Variants in CACNA2D1 observed in about 807,000 individuals in gnomAD.
CACNA2D1 encodes calcium voltage-gated channel auxiliary subunit alpha2delta 1.
CACNA2D1 carries 53 observed loss-of-function variants against 171.5 expected under a neutral mutation model. That is an observed-to-expected ratio of 0.31 (90% CI 0.25 to 0.39). The LOEUF (loss-of-function observed/expected upper bound fraction) is 0.39, where lower values mean the gene tolerates loss of function less well. Ranked by LOEUF, CACNA2D1 falls within the 10% of genes least tolerant of loss-of-function variation. The pLI is 1.00. For synonymous variants in CACNA2D1, 442 were observed against 443.1 expected (o/e 1.00, Z 0.03); for missense variants, 903 against 1,299.8 (o/e 0.69, Z 4.69).
At chr7:82,238,285 C>T (rs569456690) in intron 3 of CACNA2D1, among the ~76,000 whole-genome samples, 4 of 151,950 alleles carry the variant, frequency 2.6e-5, no homozygotes, top group Admixed American at 1.3e-4. Flanking sequence ...TTATTTTTGA[C>T]GCCTCAATTT....
rs186319813 is a variant in CACNA2D1, at chr7:82,433,057, G to A, written c.95+10308C>T. On this transcript the variant is annotated intron_variant, in intron 1 of 38. Coordinates refer to ENST00000356860, the MANE Select transcript of CACNA2D1 (RefSeq NM_000722.4). Reference sequence around the variant, plus strand: ...AAAAAAGTTAGCCGGGTGTGGTGGCGTGCGCCTGTAGTCCCAGCTACTCAG... The same window carrying A: ...AAAAAAGTTAGCCGGGTGTGGTGGCATGCGCCTGTAGTCCCAGCTACTCAG... 5.3e-4 allele frequency among the ~76,000 whole-genome samples: 81 copies of A among 152,016 alleles called. 1 individual carries two copies. In the East Asian group the frequency reaches 0.014, roughly 27 times the overall value.
intron 1 of CACNA2D1, among the ~76,000 whole-genome samples, chr7:82,426,912 C>T (rs536303312): frequency 6.6e-6 from 1 of 152,160 alleles, no homozygotes; most frequent in Non-Finnish European, 1.5e-5. Context: ...GGGAGAGAGA[C>T]CACCTCCACA....
intron 3 of CACNA2D1, among the ~76,000 whole-genome samples, chr7:82,310,339 TA>T (rs1457709145): frequency 1.4e-4 from 22 of 152,088 alleles, no homozygotes; most frequent in Non-Finnish European, 1.8e-4. Context: ...GATGTATGTG[TA>T]TTTGTTGAGA....
intron 3 of CACNA2D1, among the ~76,000 whole-genome samples, chr7:82,221,233 A>G (rs1390773403): frequency 6.6e-6 from 1 of 152,186 alleles, no homozygotes; most frequent in Admixed American, 6.5e-5. Context: ...CTGCCGATCC[A>G]CTGAAAGGGT....
intron 31 of CACNA2D1, among the ~76,000 whole-genome samples, chr7:81,965,952 G>T (rs1219439272): frequency 6.6e-6 from 1 of 151,398 alleles, no homozygotes; most frequent in African/African-American, 2.4e-5. Flanking sequence ...CCATTTCCGG[G>T]TCATCTAAAT....
intron 6 of CACNA2D1, among the ~76,000 whole-genome samples, chr7:82,097,411 T>C (rs1812021662): frequency 6.6e-6 from 1 of 152,152 alleles, no homozygotes; most frequent in Non-Finnish European, 1.5e-5. Flanking sequence ...AATACCATTC[T>C]GAACTAAAAC....
chr7:82,032,127 T>A (rs1169770090), intron 12 of CACNA2D1, among the ~76,000 whole-genome samples: 1 of 151,994 alleles, frequency 6.6e-6, no homozygotes, highest in Non-Finnish European at 1.5e-5. Flanking sequence ...CTGATATTCC[T>A]CCACAGTATC....
Position 82,170,531 on chromosome 7 carries a change from AGT to A in CACNA2D1, c.354+17_354+18del, listed in dbSNP as rs1319367309. The A allele has an allele frequency of 1.9e-6, 3 of 1,582,374 alleles. No individual in the cohort carries two copies. The African/African-American group carries it at 4.0e-5, about 21-fold the overall frequency. ...ATATGTCAAGCTATTTAAATCAAGT[AGT>A]TAAAAGGGGTTCTTACTGCAAAATC... On this transcript the variant is annotated intron_variant, in intron 4 of 38. Coordinates refer to ENST00000356860, the MANE Select transcript of CACNA2D1 (RefSeq NM_000722.4).
intron 10 of CACNA2D1, chr7:82,051,025 T>C (rs1805136202): frequency 5.3e-6 from 1 of 190,086 alleles, no homozygotes; most frequent in Non-Finnish European, 1.1e-5. Context: ...ACACTGTCCA[T>C]GCAGGGATAA....
intron 38 of CACNA2D1, among the ~76,000 whole-genome samples, chr7:81,952,630 TTGTTTG>T (rs887219860): frequency 7.2e-5 from 11 of 152,090 alleles, no homozygotes; most frequent in Non-Finnish European, 1.6e-4. Flanking sequence ...TTCTTGAAAC[TTGTTTG>T]TGTCTCTCTC....
At chr7:82,413,243 T>C (rs938931929) in intron 1 of CACNA2D1, among the ~76,000 whole-genome samples, 4 of 152,232 alleles carry the variant, frequency 2.6e-5, no homozygotes, top group African/African-American at 9.6e-5. Flanking sequence ...AAAAGAAACT[T>C]CATATTAATT....
At chr7:81,951,974 T>TTTTTTTTTTGTTTGTTTG (rs1421963080) in intron 38 of CACNA2D1, among the ~76,000 whole-genome samples, 20 of 147,718 alleles carry the variant, frequency 1.4e-4, no homozygotes, top group African/African-American at 3.5e-4. Flanking sequence ...AAAGTGTTTT[T>TTTTTTTTTTGTTTGTTTG]TTTTTTTTTT....
At chr7:81,968,628 A>AT (rs1231597087) in intron 29 of CACNA2D1, among the ~76,000 whole-genome samples, 1 of 151,338 alleles carries the variant, frequency 6.6e-6, no homozygotes, top group Non-Finnish European at 1.5e-5. Flanking sequence ...ATTATACTAA[A>AT]TTGATTCCAT....
At chr7:81,985,305 G>A (rs1192951025) in intron 21 of CACNA2D1, among the ~76,000 whole-genome samples, 4 of 144,128 alleles carry the variant, frequency 2.8e-5, no homozygotes, top group Non-Finnish European at 6.0e-5. Flanking sequence ...GGGCTCAATC[G>A]ATCCTCCCAC....
chr7:81,954,165 A>C (rs1792932220), intron 38 of CACNA2D1, among the ~76,000 whole-genome samples: 1 of 152,216 alleles, frequency 6.6e-6, no homozygotes, highest in Non-Finnish European at 1.5e-5. Flanking sequence ...TTTCTGTCCT[A>C]TAGAGACTGA....
intron 10 of CACNA2D1, among the ~76,000 whole-genome samples, chr7:82,056,812 A>G (rs1805961773): frequency 6.6e-6 from 1 of 152,198 alleles, no homozygotes; most frequent in African/African-American, 2.4e-5. Context: ...ATGAGGTGTC[A>G]TCAAGTATCA....
intron 6 of CACNA2D1, among the ~76,000 whole-genome samples, chr7:82,092,580 G>C (rs911747065): frequency 2.4e-5 from 3 of 123,056 alleles, no homozygotes; most frequent in African/African-American, 9.8e-5. Context: ...TTTTAGTAGA[G>C]ACAGGGTTTT....
chr7:82,428,036 A>G (rs563057841), intron 1 of CACNA2D1, among the ~76,000 whole-genome samples: 12 of 152,282 alleles, frequency 7.9e-5, no homozygotes, highest in African/African-American at 2.9e-4. Context: ...GTCTCTCCAA[A>G]ATATTTTTTT....
At chr7:82,081,571 GGTGA>G (rs940777781) in intron 7 of CACNA2D1, among the ~76,000 whole-genome samples, 10 of 152,258 alleles carry the variant, frequency 6.6e-5, no homozygotes, top group African/African-American at 1.9e-4. Flanking sequence ...CCTGTTATTT[GGTGA>G]GTCATTTTGC....
Sources: gnomAD v4.1 joint callset for allele counts (sites outside exome capture counted in the v4.1 genomes callset) on GRCh38, gnomAD v4.1.1 for gene constraint, MANE v1.5 for transcripts, NCBI Gene and HGNC (gene_info 2026-07-23, HGNC 2026-07-21) for gene names.